PBX1: variants seen among roughly 807,000 people sequenced by gnomAD.
PBX1 encodes pre-B-cell leukemia transcription factor 1.
Under a neutral mutation model 53.4 loss-of-function variants are expected in PBX1, and 6 were observed. The ratio of observed to expected loss-of-function variants is 0.11; its 90% CI spans 0.06 to 0.22. The LOEUF (loss-of-function observed/expected upper bound fraction) is 0.22, where lower values mean the gene tolerates loss of function less well. PBX1 is among the 10% of genes least tolerant of loss of function. The pLI is 1.00. For synonymous variants in PBX1, 204 were observed against 212.3 expected, an observed-to-expected ratio of 0.96 and a Z score of 0.34; for missense variants, 251 against 551.4, an observed-to-expected ratio of 0.46 and a Z score of 5.46.
chr1:164,860,605 A>G lies in PBX1; in HGVS notation n.257+29122A>G, dbSNP rs75639227. 1.0e-3 allele frequency among the ~76,000 whole-genome samples: 157 copies of G among 151,998 alleles called. 1 individual carries two copies. Among genetic ancestry groups the G allele is most frequent in the African/African-American group, 3.7e-3 (154 of 41,480 alleles). On this transcript the variant is annotated intron_variant and non_coding_transcript_variant, in intron 2 of 2. Coordinates refer to the PBX1 transcript ENST00000558796. Reference sequence around the variant, plus strand: ...CTAACACACTCAGACCCACTTACGTACTCCTTCTTCAAGCAGGTGTCCATG... The same window carrying G: ...CTAACACACTCAGACCCACTTACGTGCTCCTTCTTCAAGCAGGTGTCCATG...
intron 3 of PBX1, among the ~76,000 whole-genome samples, chr1:164,793,926 G>A (rs1277390277): frequency 7.9e-6 from 1 of 126,950 alleles, no homozygotes; most frequent in Non-Finnish European, 1.6e-5. Context: ...CCAGGCTAGA[G>A]TGCACCGGCA....
At chr1:164,605,794 A>C in intron 2 of PBX1, among the ~76,000 whole-genome samples, 1 of 152,358 alleles carries the variant, frequency 6.6e-6, no homozygotes, top group South Asian at 2.1e-4. Context: ...TTTATAAAGT[A>C]AACAACATCT....
intron 2 of PBX1, among the ~76,000 whole-genome samples, chr1:164,626,429 G>A (rs2101867443): frequency 6.6e-6 from 1 of 152,230 alleles, no homozygotes; most frequent in Admixed American, 6.5e-5. Context: ...CTAGTGGGTG[G>A]GTAAGTGGAG....
chr1:164,673,139 A>G (rs1022487981), intron 2 of PBX1, among the ~76,000 whole-genome samples: 3 of 152,184 alleles, frequency 2.0e-5, no homozygotes, highest in Admixed American at 1.3e-4. Flanking sequence ...TCCATACAAT[A>G]CATACATGCT....
At chr1:164,599,135 C>T (rs1296164624) in intron 2 of PBX1, among the ~76,000 whole-genome samples, 4 of 132,158 alleles carry the variant, frequency 3.0e-5, no homozygotes, top group Non-Finnish European at 6.3e-5. Flanking sequence ...TGATTTTGCC[C>T]CTCTTTTCAT....
intron 2 of PBX1, among the ~76,000 whole-genome samples, chr1:164,724,169 C>T (rs1664558600): frequency 6.6e-6 from 1 of 152,130 alleles, no homozygotes; most frequent in African/African-American, 2.4e-5. Flanking sequence ...GTCTTTGTTG[C>T]ATGGAGGTCC....
chr1:164,581,159 A>G (rs1428887744), intron 2 of PBX1, among the ~76,000 whole-genome samples: 2 of 151,936 alleles, frequency 1.3e-5, no homozygotes, highest in African/African-American at 2.4e-5. Context: ...GTGAGACCCA[A>G]AAGTCTCATC....
chr1:164,655,150 G>A (rs1347724104), intron 2 of PBX1, among the ~76,000 whole-genome samples: 3 of 112,578 alleles, frequency 2.7e-5, no homozygotes, highest in African/African-American at 9.9e-5. Context: ...TTTCACTTTT[G>A]TTGCCCAGGC....
At chr1:164,776,705 A>G (rs1393498469) in intron 2 of PBX1, among the ~76,000 whole-genome samples, 1 of 152,132 alleles carries the variant, frequency 6.6e-6, no homozygotes, top group Non-Finnish European at 1.5e-5. Context: ...CAGAAGTGCA[A>G]AGTTTTAAGC....
chr1:164,825,924 A>C (rs1670437445), intron 8 of PBX1, among the ~76,000 whole-genome samples: 1 of 152,174 alleles, frequency 6.6e-6, no homozygotes. Context: ...ACATTGTTGT[A>C]ACTGGATTCT....
chr1:164,807,349 A>G (rs1215348039), intron 4 of PBX1, among the ~76,000 whole-genome samples, 193 bp from the exon 5 acceptor site: 4 of 152,240 alleles, frequency 2.6e-5, no homozygotes, highest in African/African-American at 9.6e-5. Flanking sequence ...TTCGGTGCCC[A>G]GATGGTACAC....
intron 5 of PBX1, among the ~76,000 whole-genome samples, chr1:164,809,347 A>G (rs1387701164): frequency 3.3e-5 from 5 of 152,136 alleles, no homozygotes; most frequent in Admixed American, 2.0e-4. Flanking sequence ...CCTTATTTAC[A>G]TATTGTGTCA....
At chr1:164,813,744 C>T (rs972454191) in intron 6 of PBX1, 1 of 152,166 alleles carries the variant, frequency 6.6e-6, no homozygotes, top group South Asian at 2.1e-4. Context: ...TATGACTAGT[C>T]CTTAGAAAAG....
At chr1:164,657,428 A>G (rs1159718951) in intron 2 of PBX1, 1 of 152,240 alleles carries the variant, frequency 6.6e-6, no homozygotes, top group Non-Finnish European at 1.5e-5. Context: ...TTGAAGCAAT[A>G]AAATCAAAGT....
chr1:164,860,929 G>T (rs1672081715), intron 2 of PBX1, among the ~76,000 whole-genome samples: 1 of 152,102 alleles, frequency 6.6e-6, no homozygotes, highest in African/African-American at 2.4e-5. Context: ...CGCAGATGGG[G>T]AAAAGACAGG....
intron 2 of PBX1, among the ~76,000 whole-genome samples, chr1:164,718,916 C>G (rs1254743584): frequency 2.0e-5 from 3 of 152,124 alleles, no homozygotes; most frequent in Admixed American, 1.3e-4. Context: ...TCCTATTTTT[C>G]TAGTTTTCAT....
chr1:164,763,881 A>G (rs552600250), intron 2 of PBX1, among the ~76,000 whole-genome samples: 2 of 152,308 alleles, frequency 1.3e-5, no homozygotes, highest in South Asian at 4.1e-4. Context: ...AAATTCATAA[A>G]GATTAATCTG....
chr1:164,822,832 T>G (rs995251578), intron 8 of PBX1, among the ~76,000 whole-genome samples: 1 of 152,208 alleles, frequency 6.6e-6, no homozygotes, highest in African/African-American at 2.4e-5. Context: ...CAGGTTTCAC[T>G]TCAACATCTG....
intron 2 of PBX1, among the ~76,000 whole-genome samples, chr1:164,635,834 G>T (rs1230126227): frequency 6.6e-6 from 1 of 152,212 alleles, no homozygotes. Flanking sequence ...AGGTTCGTTA[G>T]GATGCAGCTT....
Sources: allele counts gnomAD v4.1 joint callset (sites outside exome capture counted in the v4.1 genomes callset), GRCh38; gene constraint gnomAD v4.1.1; transcripts MANE v1.5; gene names NCBI Gene and HGNC (gene_info 2026-07-23, HGNC 2026-07-21).